Variants in SOCS7 observed in about 807,000 individuals in gnomAD.
SOCS7 encodes suppressor of cytokine signaling 7.
In SOCS7, 18 loss-of-function variants were observed where a neutral mutation model predicts 58.9. That is an observed-to-expected ratio of 0.31 (90% confidence interval 0.21 to 0.45). The LOEUF (loss-of-function observed/expected upper bound fraction) is 0.45. Among genes scored for constraint, SOCS7 ranks in the 20% least tolerant of loss-of-function variants. SOCS7 has a pLI of 1.00. For synonymous variants in SOCS7, 388 were observed against 364.3 expected (o/e 1.06, Z -0.74); for missense variants, 667 against 837.3 (o/e 0.80, Z 2.51).
At position 38,352,906 on chromosome 17, in the gene SOCS7, A is replaced by G. The variant is rs200638330; in HGVS notation, c.854A>G (p.Lys285Arg). The change falls in exon 1 of 10, where the codon AAG (lysine) becomes AGG (arginine). Residue 285 changes from lysine (K) to arginine (R), a missense_variant. Lys to Arg is a conservative substitution (Grantham distance 26, BLOSUM62 2). Transcript: ENST00000612932. The surrounding 1 kb of genome is among the most constrained non-coding windows in gnomAD (Gnocchi z 5.5). ...KIRLSRLFRT[K>R]SCNGGSGGGD... ...CGCCTCAGTCGCCTCTTTCGCACCA[A>G]GAGCTGCAACGGTGGCTCCGGCGGT... 4 of 1,605,808 alleles carry G rather than the reference A, an allele frequency of 2.5e-6. No homozygotes were observed. The East Asian group carries it at 6.7e-5, about 27-fold the overall frequency.
chr17:38,373,732 C>G (rs572605103), intron 6 of SOCS7, among the ~76,000 whole-genome samples: 1 of 152,224 alleles, frequency 6.6e-6, no homozygotes, highest in Non-Finnish European at 1.5e-5. Flanking sequence ...AGAACCCCAT[C>G]AGTTCAACAC....
chr17:38,352,818 C>T lies in SOCS7; in HGVS notation c.766C>T (p.Pro256Ser). 5.1e-6 allele frequency: 8 copies of T among 1,559,496 alleles called. No homozygotes were observed. Among genetic ancestry groups the T allele is most frequent in the Non-Finnish European group, 6.9e-6 (8 of 1,152,258 alleles). Reference protein sequence around the residue: ...QQQQQQPPPPPPPPGPLRPLA... With the variant: ...QQQQQQPPPPSPPPGPLRPLA... ...GCAGCAGCAGCAACCTCCCCCGCCC[C>T]CGCCTCCTCCCGGGCCCCTCCGGCC... Residue 256 changes from proline (P) to serine (S), a missense_variant, in exon 1 of 10, where the codon CCG (proline) becomes TCG (serine). Physicochemically the swap from Pro to Ser is moderately conservative, Grantham distance 74 (BLOSUM62 -1). Transcript: ENST00000612932. The surrounding 1 kb of genome is among the most constrained non-coding windows in gnomAD (Gnocchi z 5.5).
At chr17:38,360,206 T>G (rs1000819226) in intron 1 of SOCS7, among the ~76,000 whole-genome samples, 5 of 151,294 alleles carry the variant, frequency 3.3e-5, no homozygotes, top group African/African-American at 9.7e-5. Flanking sequence ...TTTTCTTTTT[T>G]TTTTTTTGGG....
At chr17:38,392,301 G>A (rs1477518579) in intron 7 of SOCS7, among the ~76,000 whole-genome samples, 2 of 152,138 alleles carry the variant, frequency 1.3e-5, no homozygotes, top group Non-Finnish European at 2.9e-5. Context: ...ATTCAAGTAG[G>A]CAAACAATCA....
intron 6 of SOCS7, among the ~76,000 whole-genome samples, chr17:38,373,490 G>A (rs1214196311): frequency 6.6e-6 from 1 of 152,222 alleles, no homozygotes; most frequent in Non-Finnish European, 1.5e-5. Flanking sequence ...AAGGCAGGAA[G>A]GGGTAGGCTG....
intron 6 of SOCS7, among the ~76,000 whole-genome samples, chr17:38,373,071 A>G (rs1217118804): frequency 6.6e-6 from 1 of 151,774 alleles, no homozygotes; most frequent in Non-Finnish European, 1.5e-5. Context: ...GTGCCATTGC[A>G]CTCCAGCCTG....
At position 38,364,741 on chromosome 17, in the gene SOCS7, G is replaced by A. The variant is rs768271529; in HGVS notation, c.1046-11G>A. The stretch of plus-strand genomic sequence containing the variant: ...CGCTTCTGTAACTTGCTTGCTCCAT[G>A]AATCCCTCAGGTGAAACTGTGTCGC... On this transcript the variant is annotated splice_polypyrimidine_tract_variant and intron_variant, in intron 2 of 9. Coordinates refer to ENST00000612932, the MANE Select transcript of SOCS7 (RefSeq NM_014598.4). 2 of 1,612,382 alleles carry A rather than the reference G, an allele frequency of 1.2e-6. No individual in the cohort carries two copies. The highest frequency in any genetic ancestry group is 3.3e-5 in the Admixed American group (2 of 59,996).
At chr17:38,359,322 T>C (rs1390801700) in intron 1 of SOCS7, among the ~76,000 whole-genome samples, 2 of 152,166 alleles carry the variant, frequency 1.3e-5, no homozygotes, top group African/African-American at 4.8e-5. Context: ...CTGTGGGTGC[T>C]GTGGGTGGAA....
At chr17:38,381,996 A>C (rs1299486323) in intron 7 of SOCS7, among the ~76,000 whole-genome samples, 1 of 150,490 alleles carries the variant, frequency 6.6e-6, no homozygotes, top group Non-Finnish European at 1.5e-5. Context: ...TAAACCCCTA[A>C]CACCAGACAG....
At chr17:38,365,051 A>G (rs2037771066) in intron 3 of SOCS7, among the ~76,000 whole-genome samples, 195 bp downstream of exon 3, 1 of 152,206 alleles carries the variant, frequency 6.6e-6, no homozygotes, top group South Asian at 2.1e-4. Context: ...CTTACTATAC[A>G]TATATTAATT....
At chr17:38,387,133 G>GTGTGTATATATATATATATATA (rs1269515665) in intron 7 of SOCS7, among the ~76,000 whole-genome samples, 1 of 73,490 alleles carries the variant, frequency 1.4e-5, no homozygotes, top group African/African-American at 7.0e-5. Context: ...ATATATGTAT[G>GTGTGTATATATATATATATATA]TATATATATA....
At chr17:38,353,820 G>T (rs1001802921) in intron 1 of SOCS7, among the ~76,000 whole-genome samples, 1 of 152,196 alleles carries the variant, frequency 6.6e-6, no homozygotes, top group African/African-American at 2.4e-5. Flanking sequence ...CAGCTACTCG[G>T]GAGGCTGAGG....
intron 1 of SOCS7, among the ~76,000 whole-genome samples, chr17:38,359,834 T>C (rs4461121): frequency 0.25 from 38,082 of 151,790 alleles, 6,337 homozygotes; most frequent in African/African-American, 0.48. Flanking sequence ...TGGAATGCAG[T>C]GGCTCAATCA....
chr17:38,361,818 G>A, intron 2 of SOCS7, 43 bp downstream of exon 2: 1 of 1,420,762 alleles, frequency 7.0e-7, no homozygotes, highest in Non-Finnish European at 9.7e-7. Context: ...TGAAAACAGG[G>A]GCGTTCTGAG....
At chr17:38,385,686 T>G (rs2038060054) in intron 7 of SOCS7, among the ~76,000 whole-genome samples, 1 of 152,156 alleles carries the variant, frequency 6.6e-6, no homozygotes, top group Non-Finnish European at 1.5e-5. Context: ...TATTGCTCAT[T>G]TGAAAAAAAT....
intron 7 of SOCS7, among the ~76,000 whole-genome samples, chr17:38,381,449 G>C (rs11657800): frequency 0.15 from 22,722 of 152,124 alleles, 2,129 homozygotes; most frequent in African/African-American, 0.26. Flanking sequence ...GAGGCTGTGT[G>C]TTCAGACTTT....
intron 7 of SOCS7, among the ~76,000 whole-genome samples, chr17:38,390,559 T>C (rs530024209): frequency 1.3e-5 from 2 of 152,328 alleles, no homozygotes; most frequent in East Asian, 1.9e-4. Context: ...TTCTGATCCA[T>C]GGACATAGGC....
chr17:38,392,991 T>G (rs1157125250), intron 7 of SOCS7, among the ~76,000 whole-genome samples: 2 of 152,072 alleles, frequency 1.3e-5, no homozygotes, highest in Non-Finnish European at 2.9e-5. Context: ...TTTTAAAGAC[T>G]AAATAAGTTA....
intron 6 of SOCS7, among the ~76,000 whole-genome samples, chr17:38,376,451 A>G (rs2037931973): frequency 1.3e-5 from 2 of 152,110 alleles, no homozygotes; most frequent in African/African-American, 4.8e-5. Context: ...GTTACAAGGA[A>G]ACAAGCATGG....
Sources: allele counts gnomAD v4.1 joint callset (sites outside exome capture counted in the v4.1 genomes callset), GRCh38; gene constraint gnomAD v4.1.1; non-coding constraint Gnocchi (gnomAD v3.1); transcripts MANE v1.5; gene names NCBI Gene and HGNC (gene_info 2026-07-23, HGNC 2026-07-21).